The following NRG3 variants were observed in gnomAD, a reference collection of about 807,000 sequenced individuals.
NRG3 encodes pro-neuregulin-3, membrane-bound isoform.
Under a neutral mutation model 66.9 loss-of-function variants are expected in NRG3, and 31 were observed. That is an observed-to-expected ratio of 0.46 (90% confidence interval 0.35 to 0.63). NRG3 has a LOEUF of 0.63. NRG3 is among the 20% of genes least tolerant of loss of function. The probability of loss-of-function intolerance (pLI) is 0.00; values close to 1 mark genes in which losing one functional copy is unlikely to be tolerated. For synonymous variants in NRG3, 393 were observed against 359.4 expected, an observed-to-expected ratio of 1.09 and a Z score of -1.06; for missense variants, 910 against 878.9, an observed-to-expected ratio of 1.04 and a Z score of -0.45.
intron 1 of NRG3, among the ~76,000 whole-genome samples, chr10:82,318,021 CAT>C (rs1028299304): frequency 2.0e-5 from 3 of 151,422 alleles, no homozygotes; most frequent in South Asian, 4.2e-4. Context: ...CATAAGATAA[CAT>C]AGACAAAATG....
intron 1 of NRG3, among the ~76,000 whole-genome samples, chr10:82,120,080 A>T (rs2067986785): frequency 1.3e-5 from 2 of 152,164 alleles, no homozygotes; most frequent in South Asian, 4.1e-4. Flanking sequence ...AAGATGGATT[A>T]TGATGGTCTG....
At chr10:82,149,587 T>C (rs1351857180) in intron 1 of NRG3, among the ~76,000 whole-genome samples, 1 of 152,186 alleles carries the variant, frequency 6.6e-6, no homozygotes, top group African/African-American at 2.4e-5. Flanking sequence ...AACCAGACTT[T>C]TGTCTTTGTT....
At chr10:82,724,649 G>A (rs566094225) in intron 2 of NRG3, among the ~76,000 whole-genome samples, 2 of 152,270 alleles carry the variant, frequency 1.3e-5, no homozygotes, top group South Asian at 4.1e-4. Flanking sequence ...AAATCAGAAG[G>A]CTGTGGGACT....
chr10:82,612,039 T>C (rs1352566317), intron 2 of NRG3, among the ~76,000 whole-genome samples: 2 of 152,244 alleles, frequency 1.3e-5, no homozygotes, highest in Non-Finnish European at 2.9e-5. Context: ...CTTTTTTTCA[T>C]GTGTCTGTTG....
intron 2 of NRG3, among the ~76,000 whole-genome samples, chr10:82,543,703 T>A (rs1160379898): frequency 6.6e-6 from 1 of 152,224 alleles, no homozygotes. Flanking sequence ...AGTTTTTGTA[T>A]ATGCATTTTA....
intron 2 of NRG3, among the ~76,000 whole-genome samples, chr10:82,379,223 C>A (rs1190482741): frequency 6.6e-6 from 1 of 152,096 alleles, no homozygotes; most frequent in African/African-American, 2.4e-5. Context: ...CAAGCTCATC[C>A]CATTTCCACT....
rs147540843 is a variant in NRG3 at position 82,353,969 on chromosome 10, C to T, written c.824-4770C>T. ...GCCCTTCTTATATCCTAACTTACTT[C>T]GCTTCCCAGAAATTTTTAAAATAGA... is the stretch of plus-strand genomic sequence containing the variant. On this transcript the variant is annotated intron_variant, in intron 1 of 8. Coordinates refer to ENST00000372141, the MANE Select transcript of NRG3 (RefSeq NM_001010848.4). Among the ~76,000 whole-genome samples the T allele has an allele frequency of 3.7e-3, 560 of 150,670 alleles. 1 individual carries two copies. Among genetic ancestry groups the T allele is most frequent in the African/African-American group, 0.013 (523 of 40,944 alleles).
chr10:82,637,721 A>G (rs2050291825), intron 2 of NRG3, among the ~76,000 whole-genome samples: 1 of 152,190 alleles, frequency 6.6e-6, no homozygotes, highest in African/African-American at 2.4e-5. Context: ...AATAAATACA[A>G]TATGACAGCT....
chr10:82,588,356 C>T (rs142226485), intron 2 of NRG3, among the ~76,000 whole-genome samples: 58 of 152,216 alleles, frequency 3.8e-4, no homozygotes, highest in Non-Finnish European at 6.0e-4. Context: ...ACGCCTCCTG[C>T]CTCCTTCTCT....
intron 3 of NRG3, among the ~76,000 whole-genome samples, chr10:82,767,170 C>T (rs2059548236): frequency 6.6e-6 from 1 of 151,878 alleles, no homozygotes; most frequent in Non-Finnish European, 1.5e-5. Context: ...TATTAATTCT[C>T]TCCCTCCAAT....
At chr10:82,884,099 G>C (rs1040981900) in intron 4 of NRG3, among the ~76,000 whole-genome samples, 1 of 151,980 alleles carries the variant, frequency 6.6e-6, no homozygotes, top group Non-Finnish European at 1.5e-5. Context: ...AGTTGTATAA[G>C]AGATATAAGC....
chr10:82,540,887 T>C (rs1159071513), intron 2 of NRG3, among the ~76,000 whole-genome samples: 1 of 152,210 alleles, frequency 6.6e-6, no homozygotes, highest in Non-Finnish European at 1.5e-5. Flanking sequence ...GATGTGACTA[T>C]CTTTAGAGAT....
intron 1 of NRG3, among the ~76,000 whole-genome samples, chr10:82,256,121 A>C (rs968274249): frequency 6.6e-6 from 1 of 151,526 alleles, no homozygotes; most frequent in Non-Finnish European, 1.5e-5. Context: ...ATGGGGTTTC[A>C]CCATATTGGC....
intron 2 of NRG3, among the ~76,000 whole-genome samples, chr10:82,732,266 A>C (rs963141024): frequency 2.0e-5 from 3 of 152,224 alleles, no homozygotes; most frequent in African/African-American, 7.2e-5. Context: ...ATCACTAACC[A>C]ATATCTGTGA....
chr10:82,653,951 C>T (rs2051639096), intron 2 of NRG3, among the ~76,000 whole-genome samples: 1 of 152,192 alleles, frequency 6.6e-6, no homozygotes, highest in East Asian at 1.9e-4. Flanking sequence ...AGATTACGTA[C>T]TACTGCGGGT....
intron 2 of NRG3, among the ~76,000 whole-genome samples, chr10:82,516,986 C>T (rs975386073): frequency 1.5e-4 from 23 of 152,082 alleles, no homozygotes; most frequent in Non-Finnish European, 2.9e-4. Flanking sequence ...AATGCTCTTT[C>T]GTAGTCATTT....
chr10:82,293,836 A>G (rs983431439), intron 1 of NRG3, among the ~76,000 whole-genome samples: 1 of 152,224 alleles, frequency 6.6e-6, no homozygotes, highest in Non-Finnish European at 1.5e-5. Context: ...TCCTGGAAGC[A>G]TATTGAAAAA....
intron 4 of NRG3, among the ~76,000 whole-genome samples, chr10:82,942,022 T>TGTGTGTGTGC (rs1262777882): frequency 2.6e-5 from 4 of 151,938 alleles, no homozygotes; most frequent in African/African-American, 9.7e-5. Context: ...TGTGTGTGTG[T>TGTGTGTGTGC]GTGCTTCAAC....
rs114184624 is a variant in NRG3, at chr10:82,615,185, G to T, written c.954-123392G>T. ...TGATTAATTTATTACTCATTAACTG[G>T]CAGAGCTGTTTCAGTCAGTCTAGAC... On this transcript the variant is annotated intron_variant, in intron 2 of 8. Transcript: ENST00000372141. Among the ~76,000 whole-genome samples the T allele has an allele frequency of 4.2e-3, 643 of 152,198 alleles. 5 individuals carry two copies. The highest frequency in any genetic ancestry group is 0.015 in the African/African-American group (603 of 41,536).
Sources: allele counts gnomAD v4.1 joint callset (sites outside exome capture counted in the v4.1 genomes callset), GRCh38; gene constraint gnomAD v4.1.1; transcripts MANE v1.5; gene names NCBI Gene and HGNC (gene_info 2026-07-23, HGNC 2026-07-21).